The following MAF variants were observed in gnomAD, a reference collection of about 807,000 sequenced individuals.
MAF encodes the protein MAF bZIP transcription factor, also known as transcription factor Maf.
In MAF, 10 loss-of-function variants were observed where a neutral mutation model predicts 22.0. The ratio of observed to expected loss-of-function variants is 0.45; its 90% CI spans 0.28 to 0.77. MAF has a LOEUF of 0.77. MAF is among the 30% of genes least tolerant of loss of function. MAF has a pLI of 0.12. For missense variants in MAF, 544 were observed against 548.4 expected (o/e 0.99, Z 0.08); for synonymous variants, 337 against 255.8 (o/e 1.32, Z -3.03).
the MAF span, among the ~76,000 whole-genome samples, chr16:79,427,104 C>T: frequency 6.6e-6 from 1 of 152,210 alleles, no homozygotes; most frequent in South Asian, 2.1e-4. Context: ...TTGTGAGGAC[C>T]ACACGTGATA....
chr16:79,496,736 T>C, the MAF span, among the ~76,000 whole-genome samples: 2 of 152,240 alleles, frequency 1.3e-5, no homozygotes, highest in African/African-American at 4.8e-5. Flanking sequence ...ACAATGGGGC[T>C]ATGAAAATAA....
At chr16:79,236,851 A>T in the MAF span, among the ~76,000 whole-genome samples, 4 of 151,596 alleles carry the variant, frequency 2.6e-5, no homozygotes, top group Non-Finnish European at 4.4e-5. Flanking sequence ...AACCTATACA[A>T]GGTTTACAGC....
chr16:79,333,597 C>T, the MAF span, among the ~76,000 whole-genome samples: 17 of 152,274 alleles, frequency 1.1e-4, no homozygotes, highest in East Asian at 2.9e-3. Flanking sequence ...AAATTTGATA[C>T]TGAGTTACAT....
At chr16:79,420,792 G>A in the MAF span, among the ~76,000 whole-genome samples, 2 of 152,212 alleles carry the variant, frequency 1.3e-5, no homozygotes, top group Non-Finnish European at 2.9e-5. Flanking sequence ...CACTTTTGGA[G>A]GCCAAGGCGG....
the MAF span, among the ~76,000 whole-genome samples, chr16:79,349,839 C>A: frequency 6.6e-6 from 1 of 152,204 alleles, no homozygotes; most frequent in African/African-American, 2.4e-5. Context: ...TGCAATCTGC[C>A]TTCAATTCCT....
the MAF span, among the ~76,000 whole-genome samples, chr16:79,334,490 G>C: frequency 6.6e-6 from 1 of 152,168 alleles, no homozygotes; most frequent in Non-Finnish European, 1.5e-5. Flanking sequence ...TCTATATCTT[G>C]ACCAAGGAGG....
chr16:79,408,201 G>A, the MAF span, among the ~76,000 whole-genome samples: 1 of 151,802 alleles, frequency 6.6e-6, no homozygotes, highest in Non-Finnish European at 1.5e-5. Flanking sequence ...GTTTGAGATG[G>A]ACTCTCGCTC....
chr16:79,376,324 C>T, the MAF span, among the ~76,000 whole-genome samples: 6 of 151,994 alleles, frequency 3.9e-5, no homozygotes, highest in East Asian at 9.7e-4. Flanking sequence ...CTTTGCTTTT[C>T]TTCAATCTTC....
At chr16:79,348,877 A>G in the MAF span, among the ~76,000 whole-genome samples, 3 of 152,158 alleles carry the variant, frequency 2.0e-5, no homozygotes, top group African/African-American at 2.4e-5. Context: ...CTGTCTCATG[A>G]GAGGTGTTGT....
chr16:79,360,193 G>A, the MAF span, among the ~76,000 whole-genome samples: 1 of 152,160 alleles, frequency 6.6e-6, no homozygotes, highest in African/African-American at 2.4e-5. Context: ...CATTGAAAAT[G>A]ATGTTCACAT....
the MAF span, among the ~76,000 whole-genome samples, chr16:79,328,809 T>C: frequency 6.6e-6 from 1 of 152,214 alleles, no homozygotes; most frequent in Non-Finnish European, 1.5e-5. Context: ...TGCTCCAGCC[T>C]CTCTCTGTCA....
chr16:79,576,433 C>G, the MAF span, among the ~76,000 whole-genome samples: 1 of 152,046 alleles, frequency 6.6e-6, no homozygotes, highest in Non-Finnish European at 1.5e-5. Flanking sequence ...TACAAAGCCT[C>G]TGAGGCGGAT....
At chr16:79,560,754 T>C in the MAF span, among the ~76,000 whole-genome samples, 1 of 152,178 alleles carries the variant, frequency 6.6e-6, no homozygotes, top group Non-Finnish European at 1.5e-5. Flanking sequence ...GAGAGGCCAC[T>C]GCCTATTCTT....
the MAF span, among the ~76,000 whole-genome samples, chr16:79,328,464 G>A: frequency 6.6e-5 from 10 of 152,190 alleles, no homozygotes; most frequent in African/African-American, 2.4e-4. Flanking sequence ...GGAAGTCACA[G>A]GGTGGGGCCC....
the MAF span, among the ~76,000 whole-genome samples, chr16:79,487,257 G>A: frequency 4.6e-5 from 7 of 151,316 alleles, no homozygotes; most frequent in South Asian, 4.2e-4. Context: ...GAAGTTCAAC[G>A]TCAGGCAAAA....
At chr16:79,262,080 G>A in the MAF span, among the ~76,000 whole-genome samples, 1 of 152,204 alleles carries the variant, frequency 6.6e-6, no homozygotes, top group African/African-American at 2.4e-5. Flanking sequence ...AGAATGGCCA[G>A]GGAGGGGGCT....
At chr16:79,520,364 G>A in the MAF span, among the ~76,000 whole-genome samples, 4 of 152,028 alleles carry the variant, frequency 2.6e-5, no homozygotes, top group Non-Finnish European at 5.9e-5. Flanking sequence ...CATCTCCTCT[G>A]CAGCCATATG....
chr16:79,471,405 C>A, the MAF span, among the ~76,000 whole-genome samples: 2 of 152,204 alleles, frequency 1.3e-5, no homozygotes, highest in Admixed American at 1.3e-4. Flanking sequence ...TGCCTATAAT[C>A]TCAGCACTTT....
the MAF span, among the ~76,000 whole-genome samples, chr16:79,221,808 A>C: frequency 6.6e-6 from 1 of 152,280 alleles, no homozygotes; most frequent in East Asian, 1.9e-4. Context: ...CAGAATTCAA[A>C]AACCGCATGA....
Sources: allele counts gnomAD v4.1 joint callset (sites outside exome capture counted in the v4.1 genomes callset), GRCh38; gene constraint gnomAD v4.1.1; transcripts MANE v1.5; gene names NCBI Gene and HGNC (gene_info 2026-07-23, HGNC 2026-07-21).